Variants in EPS15 observed in about 807,000 individuals in gnomAD.
EPS15 encodes the protein epidermal growth factor receptor substrate 15.
A neutral mutation model predicts 113.8 loss-of-function variants in EPS15; 72 were observed. The observed-to-expected ratio is 0.63, with a 90% CI of 0.52 to 0.77. The LOEUF (loss-of-function observed/expected upper bound fraction) is 0.77, where lower values mean the gene tolerates loss of function less well. Among genes scored for constraint, EPS15 ranks in the 30% least tolerant of loss-of-function variants. The pLI is 0.00. For missense variants in EPS15, 1,048 were observed against 1,045.8 expected (o/e 1.00, Z -0.03); for synonymous variants, 344 against 363.4 (o/e 0.95, Z 0.61).
At chr1:51,445,460 T>C (rs1305780698) in intron 10 of EPS15, among the ~76,000 whole-genome samples, 1 of 152,202 alleles carries the variant, frequency 6.6e-6, no homozygotes, top group Non-Finnish European at 1.5e-5. Context: ...AAGCACAATT[T>C]TGATATTGCT....
intron 7 of EPS15, among the ~76,000 whole-genome samples, chr1:51,461,521 T>TTA (rs953929713): frequency 7.1e-5 from 6 of 85,076 alleles, no homozygotes; most frequent in Admixed American, 1.4e-4. Flanking sequence ...CACTGTTTCT[T>TTA]AAAAAAAAAA....
Position 51,475,451 on chromosome 1 carries a change from G to A in EPS15, c.76-2503C>T, listed in dbSNP as rs544611215. Among the ~76,000 whole-genome samples, 3 of 151,980 alleles carry A rather than the reference G, an allele frequency of 2.0e-5. No individual in the cohort carries two copies. In the East Asian group the frequency reaches 5.8e-4, roughly 29 times the overall value. On this transcript the variant is annotated intron_variant, in intron 2 of 24. Transcript: ENST00000371733. Reference sequence around the variant, plus strand: ...CCAGTGATGACAAGCATTTTTTCACGTGCCTGTTGGCTGCATAAATATCTT... The same window carrying A: ...CCAGTGATGACAAGCATTTTTTCACATGCCTGTTGGCTGCATAAATATCTT...
chr1:51,467,714 G>A (rs1304373638), intron 5 of EPS15, among the ~76,000 whole-genome samples: 1 of 151,994 alleles, frequency 6.6e-6, no homozygotes, highest in African/African-American at 2.4e-5. Context: ...GATCAGCGGT[G>A]GCATTAGATT....
At chr1:51,493,284 C>T (rs1201542803) in intron 1 of EPS15, among the ~76,000 whole-genome samples, 13 of 134,876 alleles carry the variant, frequency 9.6e-5, no homozygotes, top group East Asian at 2.2e-4. Context: ...TGGCGTGAAC[C>T]CGGGAGGCGG....
intron 1 of EPS15, 147 bp downstream of exon 1, chr1:51,519,052 C>G (rs1644790568): frequency 2.2e-6 from 1 of 454,326 alleles, no homozygotes; most frequent in Admixed American, 4.5e-5. Flanking sequence ...GCAGTCGCAC[C>G]CGCTTTCCCT....
intron 12 of EPS15, chr1:51,423,093 G>A: frequency 1.5e-6 from 1 of 670,334 alleles, no homozygotes; most frequent in East Asian, 7.2e-5. Flanking sequence ...AAAATCAACT[G>A]TTTTGGATAC....
At chr1:51,511,751 T>G (rs1415817042) in intron 1 of EPS15, among the ~76,000 whole-genome samples, 1 of 152,158 alleles carries the variant, frequency 6.6e-6, no homozygotes, top group African/African-American at 2.4e-5. Flanking sequence ...TAAAAAACTA[T>G]AAAGTACTGT....
intron 1 of EPS15, among the ~76,000 whole-genome samples, chr1:51,491,970 G>A (rs1557521311): frequency 6.6e-6 from 1 of 150,394 alleles, no homozygotes; most frequent in Non-Finnish European, 1.5e-5. Flanking sequence ...GGGCTCAAGT[G>A]ATTCTTCCCT....
intron 19 of EPS15, among the ~76,000 whole-genome samples, chr1:51,399,600 T>C (rs992380386): frequency 2.6e-5 from 4 of 152,042 alleles, no homozygotes; most frequent in African/African-American, 9.7e-5. Context: ...GGCTCACACC[T>C]GTAATTCCAG....
At chr1:51,382,416 A>ATTTC (rs1184283968) in intron 21 of EPS15, 2 of 134,718 alleles carry the variant, frequency 1.5e-5, no homozygotes, top group Non-Finnish European at 3.2e-5. Context: ...CATATTTTTA[A>ATTTC]TTTTTTTTTT....
At chr1:51,492,403 T>A (rs1200453668) in intron 1 of EPS15, among the ~76,000 whole-genome samples, 4 of 152,016 alleles carry the variant, frequency 2.6e-5, no homozygotes, top group African/African-American at 9.7e-5. Context: ...GTTTTCAAAA[T>A]CCAGATAAAA....
At chr1:51,489,140 TA>T (rs537853692) in intron 1 of EPS15, among the ~76,000 whole-genome samples, 68 of 136,856 alleles carry the variant, frequency 5.0e-4, no homozygotes, top group Non-Finnish European at 6.0e-4. Context: ...CTAACTAATG[TA>T]AAAAAAAAAA....
At chr1:51,480,117 G>C (rs1643992684) in intron 2 of EPS15, among the ~76,000 whole-genome samples, 1 of 152,178 alleles carries the variant, frequency 6.6e-6, no homozygotes, top group Admixed American at 6.6e-5. Context: ...GACCTTAGAA[G>C]TTGCTATATA....
intron 1 of EPS15, among the ~76,000 whole-genome samples, chr1:51,489,303 A>ATATATATATATATATATATATGTATG (rs1360006242): frequency 5.4e-4 from 75 of 140,046 alleles, no homozygotes; most frequent in African/African-American, 1.9e-3. Context: ...ATATATATAT[A>ATATATATATATATATATATATGTATG]TATGTATGTA....
intron 21 of EPS15, among the ~76,000 whole-genome samples, chr1:51,368,074 G>A (rs1012779335): frequency 8.5e-5 from 13 of 152,206 alleles, no homozygotes. Context: ...GGAGGCTGCA[G>A]TAAGCTGAGA....
chr1:51,411,809 A>G (rs1250425424), intron 13 of EPS15, among the ~76,000 whole-genome samples: 6 of 152,182 alleles, frequency 3.9e-5, no homozygotes, highest in Non-Finnish European at 8.8e-5. Context: ...CGATTCCTCA[A>G]GGATCTAGAA....
In EPS15 at chr1:51,444,870, T is replaced by C. The variant is rs201070120; in HGVS notation, c.954+19A>G. 4.4e-6 allele frequency: 7 copies of C among 1,605,426 alleles called. No homozygotes were observed. The highest frequency in any genetic ancestry group is 6.0e-6 in the Non-Finnish European group (7 of 1,175,260). On this transcript the variant is annotated intron_variant, in intron 11 of 24. Transcript: ENST00000371733. Reference sequence around the variant, plus strand: ...CCTTTGAAATTAATACATTCAGGTTTCCTTTTAAGCTTTCTTACCTTTTGT... The same window carrying C: ...CCTTTGAAATTAATACATTCAGGTTCCCTTTTAAGCTTTCTTACCTTTTGT...
chr1:51,430,671 C>G (rs1651634072), intron 12 of EPS15, among the ~76,000 whole-genome samples: 1 of 151,974 alleles, frequency 6.6e-6, no homozygotes, highest in Admixed American at 6.6e-5. Context: ...TTAAAAGTTC[C>G]TTTGCCAGGC....
At chr1:51,439,261 A>C (rs1271103553) in intron 12 of EPS15, among the ~76,000 whole-genome samples, 1 of 152,074 alleles carries the variant, frequency 6.6e-6, no homozygotes, top group Non-Finnish European at 1.5e-5. Context: ...CAAGTCAATA[A>C]ATTTCACTCT....
Sources: gnomAD v4.1 joint callset for allele counts (sites outside exome capture counted in the v4.1 genomes callset) on GRCh38, gnomAD v4.1.1 for gene constraint, MANE v1.5 for transcripts, NCBI Gene and HGNC (gene_info 2026-07-23, HGNC 2026-07-21) for gene names.